Variants in CTIF observed in about 807,000 individuals in gnomAD.
CTIF encodes the protein cap binding complex dependent translation initiation factor.
In CTIF, 21 loss-of-function variants were observed where a neutral mutation model predicts 66.0. That is an observed-to-expected ratio of 0.32 (90% CI 0.23 to 0.46). The LOEUF is 0.46. Ranked by LOEUF, CTIF falls within the 20% of genes least tolerant of loss-of-function variation. The pLI, the probability that CTIF is intolerant of heterozygous loss-of-function variation, is 1.00. For missense variants in CTIF, 739 were observed against 812.7 expected (o/e 0.91, Z 1.10); for synonymous variants, 345 against 326.4 (o/e 1.06, Z -0.62).
chr18:48,699,432 G>GGCTGGGGCTGGA (rs1185514123), intron 6 of CTIF, among the ~76,000 whole-genome samples: 31 of 151,806 alleles, frequency 2.0e-4, no homozygotes, highest in African/African-American at 7.1e-4. Flanking sequence ...CTGGGGCTGG[G>GGCTGGGGCTGGA]GCTGGAGCCG....
intron 1 of CTIF, among the ~76,000 whole-genome samples, chr18:48,596,911 A>G (rs966386354): frequency 6.6e-6 from 1 of 152,178 alleles, no homozygotes; most frequent in Non-Finnish European, 1.5e-5. Context: ...TTCTGTTAAT[A>G]AGGAAGGAGA....
intron 9 of CTIF, among the ~76,000 whole-genome samples, chr18:48,777,658 G>A (rs924539339): frequency 2.0e-5 from 3 of 152,230 alleles, no homozygotes; most frequent in Non-Finnish European, 4.4e-5. Flanking sequence ...GAACGAATGA[G>A]TATCAACCAG....
chr18:48,645,420 C>G (rs2091012268), intron 3 of CTIF, among the ~76,000 whole-genome samples: 1 of 152,120 alleles, frequency 6.6e-6, no homozygotes, highest in Non-Finnish European at 1.5e-5. Context: ...CACTGCTGTA[C>G]CCCAGCCAAA....
chr18:48,725,360 C>G (rs2092377310), intron 7 of CTIF, among the ~76,000 whole-genome samples: 1 of 152,164 alleles, frequency 6.6e-6, no homozygotes. Context: ...GCAGAGCACA[C>G]AAAGGCCAAT....
At chr18:48,729,531 G>A (rs1357790109) in intron 7 of CTIF, among the ~76,000 whole-genome samples, 2 of 152,220 alleles carry the variant, frequency 1.3e-5, no homozygotes, top group African/African-American at 4.8e-5. Context: ...TAGGATGAGA[G>A]CTGGCGTCCC....
intron 7 of CTIF, among the ~76,000 whole-genome samples, chr18:48,721,544 G>A (rs2092335980): frequency 1.3e-5 from 2 of 152,230 alleles, no homozygotes; most frequent in South Asian, 4.1e-4. Context: ...GGGCAGCCCA[G>A]GCCCAGGGCG....
intron 9 of CTIF, among the ~76,000 whole-genome samples, chr18:48,789,150 G>T (rs1336659869): frequency 6.6e-6 from 1 of 152,188 alleles, no homozygotes; most frequent in African/African-American, 2.4e-5. Flanking sequence ...TCCTTGGCAG[G>T]AAGTACCAAA....
At chr18:48,547,694 G>T (rs1037053309) in intron 1 of CTIF, among the ~76,000 whole-genome samples, 2 of 152,182 alleles carry the variant, frequency 1.3e-5, no homozygotes, top group African/African-American at 2.4e-5. Flanking sequence ...CATCCTGCTT[G>T]CTTCTGCTGG....
At chr18:48,686,931 CTCTTT>C (rs1301395369) in intron 6 of CTIF, among the ~76,000 whole-genome samples, 1 of 152,186 alleles carries the variant, frequency 6.6e-6, no homozygotes, top group Non-Finnish European at 1.5e-5. Context: ...TTGTTGAAAT[CTCTTT>C]TCTTGATCTC....
rs1335448869 is a variant in CTIF, at chr18:48,653,867, A to C, written c.253-9885A>C. Among the ~76,000 whole-genome samples the C allele has an allele frequency of 6.6e-5, 10 of 152,178 alleles. No individual in the cohort carries two copies. In the East Asian group the frequency reaches 1.2e-3, roughly 18 times the overall value. On this transcript the variant is annotated intron_variant, in intron 3 of 11. Transcript: ENST00000256413. ...CTTTGACAAACCTGACAAAAACAGG[A>C]AATGGGGAAAGGATTCCCTATTTAA...
intron 2 of CTIF, among the ~76,000 whole-genome samples, chr18:48,635,714 A>G (rs890374731): frequency 6.6e-6 from 1 of 152,222 alleles, no homozygotes; most frequent in African/African-American, 2.4e-5. Context: ...ATACAATAGT[A>G]AAAACACTAT....
intron 9 of CTIF, among the ~76,000 whole-genome samples, chr18:48,804,987 G>T (rs576257374): frequency 6.6e-6 from 1 of 152,216 alleles, no homozygotes; most frequent in Non-Finnish European, 1.5e-5. Flanking sequence ...TTTGTCCCAA[G>T]TCACAGGAAC....
intron 9 of CTIF, among the ~76,000 whole-genome samples, chr18:48,806,085 C>CG (rs149985590): frequency 0.013 from 2,009 of 152,108 alleles, 22 homozygotes; most frequent in South Asian, 0.021. Context: ...TGAGGAGTCC[C>CG]GGGGGCTGTG....
At chr18:48,632,675 T>A (rs2090740772) in intron 2 of CTIF, among the ~76,000 whole-genome samples, 1 of 152,202 alleles carries the variant, frequency 6.6e-6, no homozygotes, top group Non-Finnish European at 1.5e-5. Flanking sequence ...CACGTTCTAC[T>A]GAGCCTGTTG....
intron 6 of CTIF, among the ~76,000 whole-genome samples, chr18:48,687,913 A>G (rs1008383951): frequency 2.0e-5 from 3 of 152,162 alleles, no homozygotes; most frequent in African/African-American, 7.2e-5. Flanking sequence ...GTCTCATATA[A>G]AGTACAAGCT....
In CTIF at chr18:48,822,646, T is replaced by A. The variant is rs1369883823; in HGVS notation, c.1527+5270T>A. 3.3e-5 allele frequency among the ~76,000 whole-genome samples: 5 copies of A among 152,106 alleles called. No individual in the cohort carries two copies. The East Asian group carries it at 7.7e-4, about 24-fold the overall frequency. On this transcript the variant is annotated intron_variant, in intron 10 of 11. Transcript: ENST00000256413. ...ATGAGAGTGCTATATCTCTTCAAAA[T>A]CCTGATTCAAGCTCTTTTGGATAAA...
intron 7 of CTIF, among the ~76,000 whole-genome samples, chr18:48,728,531 TGGTCAGGCTGTTGGCCAGGATTGC>T (rs2092406122): frequency 6.6e-6 from 1 of 152,156 alleles, no homozygotes; most frequent in Non-Finnish European, 1.5e-5. Flanking sequence ...CGTGAGATTG[TGGTCAGGCTGTTGGCCAGGATTGC>T]GGTCATCTGA....
intron 3 of CTIF, among the ~76,000 whole-genome samples, chr18:48,644,212 T>A (rs1387724303): frequency 6.6e-6 from 1 of 152,196 alleles, no homozygotes; most frequent in Non-Finnish European, 1.5e-5. Context: ...TTCTTTCACC[T>A]ATTGATCGGC....
chr18:48,807,288 G>T (rs978937139), intron 9 of CTIF, among the ~76,000 whole-genome samples: 2 of 152,128 alleles, frequency 1.3e-5, no homozygotes, highest in Non-Finnish European at 2.9e-5. Flanking sequence ...AAGGAAAAGG[G>T]TCACAACCTG....
Sources: gnomAD v4.1 joint callset for allele counts (sites outside exome capture counted in the v4.1 genomes callset) on GRCh38, gnomAD v4.1.1 for gene constraint, MANE v1.5 for transcripts, NCBI Gene and HGNC (gene_info 2026-07-23, HGNC 2026-07-21) for gene names.